Variants in ASCC3 observed in about 807,000 individuals in gnomAD.
ASCC3 encodes the protein ASC-1 complex subunit P200.
A neutral mutation model predicts 256.3 loss-of-function variants in ASCC3; 158 were observed. The observed-to-expected ratio is 0.62, with a 90% CI of 0.54 to 0.70. ASCC3 has a LOEUF of 0.70. ASCC3 is among the 30% of genes least tolerant of loss of function. ASCC3 has a pLI of 0.00. For synonymous variants in ASCC3, 948 were observed against 883.4 expected (o/e 1.07, Z -1.30); for missense variants, 2,259 against 2,626.0 (o/e 0.86, Z 3.05).
rs916466902 is a variant in ASCC3 at position 100,868,849 on chromosome 6, G to C, written c.-41-811C>G. 2.0e-5 allele frequency among the ~76,000 whole-genome samples: 3 copies of C among 152,322 alleles called. No homozygotes were observed. In the East Asian group the frequency reaches 5.8e-4, roughly 29 times the overall value. ...GGGGAAGAACATACCGGGAAAGAGA[G>C]AATTCAGATGGCCTGGTCTAATCTC... On this transcript the variant is annotated intron_variant, in intron 1 of 41. Transcript: ENST00000369162.
At chr6:100,782,623 G>A (rs1331957350) in intron 8 of ASCC3, among the ~76,000 whole-genome samples, 1 of 152,182 alleles carries the variant, frequency 6.6e-6, no homozygotes, top group South Asian at 2.1e-4. Flanking sequence ...CAAATTATTT[G>A]TAATACCAAA....
intron 36 of ASCC3, among the ~76,000 whole-genome samples, chr6:100,556,833 A>G (rs528681285): frequency 1.4e-5 from 2 of 146,534 alleles, no homozygotes; most frequent in South Asian, 4.2e-4. Flanking sequence ...AAGAGTGAAC[A>G]TTTTTTTTTA....
chr6:100,512,128 T>C (rs962233166), intron 40 of ASCC3, among the ~76,000 whole-genome samples: 1 of 152,188 alleles, frequency 6.6e-6, no homozygotes, highest in African/African-American at 2.4e-5. Context: ...TGTATGAACA[T>C]TGACAAAGCT....
Position 100,652,679 on chromosome 6 carries a change from A to G in ASCC3, c.2988+46T>C, listed in dbSNP as rs777087927. The G allele has an allele frequency of 9.0e-6, 14 of 1,559,428 alleles. No individual in the cohort carries two copies. In the Admixed American group the frequency reaches 1.3e-4, roughly 15 times the overall value. Reference sequence around the variant, plus strand: ...ATTAATAATATATTTTGAAGTCTAGAAAGTATTTGCATCTAAAATCAAACA... The same window carrying G: ...ATTAATAATATATTTTGAAGTCTAGGAAGTATTTGCATCTAAAATCAAACA... On this transcript the variant is annotated intron_variant, in intron 18 of 41. Transcript: ENST00000369162.
intron 8 of ASCC3, among the ~76,000 whole-genome samples, chr6:100,784,247 G>C (rs936158849): frequency 6.6e-6 from 1 of 151,942 alleles, no homozygotes; most frequent in South Asian, 2.1e-4. Context: ...AATAGAATAA[G>C]ATACAATTTT....
chr6:100,700,404 G>A (rs960459755), intron 13 of ASCC3, among the ~76,000 whole-genome samples: 4 of 152,220 alleles, frequency 2.6e-5, no homozygotes, highest in Admixed American at 6.5e-5. Flanking sequence ...GGTCCTCATC[G>A]AGAACCTTTG....
At chr6:100,596,292 A>G (rs2114785074) in intron 34 of ASCC3, among the ~76,000 whole-genome samples, 1 of 152,264 alleles carries the variant, frequency 6.6e-6, no homozygotes, top group South Asian at 2.1e-4. Context: ...TTTGTAAGTA[A>G]TGATATTTTG....
chr6:100,858,424 A>G (rs1057132957), intron 3 of ASCC3: 3 of 335,868 alleles, frequency 8.9e-6, no homozygotes, highest in Non-Finnish European at 1.3e-5. Flanking sequence ...CTAACTTTGT[A>G]GCATTAAGTA....
chr6:100,820,162 T>A (rs867266983), intron 4 of ASCC3, among the ~76,000 whole-genome samples: 1 of 152,146 alleles, frequency 6.6e-6, no homozygotes, highest in East Asian at 1.9e-4. Context: ...AAAAATCAGA[T>A]GGAATAGCAG....
Position 100,589,628 on chromosome 6 carries a change from A to C in ASCC3, c.5550+6T>G. Reference sequence around the variant, plus strand: ...AGAGAAGATATGAAATATATGAAAAACTCACACTTAGAATTGAAAGCAGTT... The same window carrying C: ...AGAGAAGATATGAAATATATGAAAACCTCACACTTAGAATTGAAAGCAGTT... On this transcript the variant is annotated splice_donor_region_variant and intron_variant, in intron 36 of 41. Transcript: ENST00000369162. 6.2e-7 allele frequency: 1 copy of C among 1,613,166 alleles called. No individual in the cohort carries two copies. Among genetic ancestry groups the C allele is most frequent in the African/African-American group, 1.3e-5 (1 of 74,994 alleles).
intron 16 of ASCC3, among the ~76,000 whole-genome samples, chr6:100,660,431 T>G (rs1776136723): frequency 6.6e-6 from 1 of 151,666 alleles, no homozygotes. Flanking sequence ...TTAGACACTG[T>G]TAACCCAACA....
intron 4 of ASCC3, among the ~76,000 whole-genome samples, chr6:100,836,170 A>G (rs914938919): frequency 2.0e-5 from 3 of 152,074 alleles, no homozygotes; most frequent in Non-Finnish European, 4.4e-5. Context: ...TTTCCTATAC[A>G]TAAGATTGGA....
At position 100,589,623 on chromosome 6, in the gene ASCC3, GAAA is replaced by G. The variant is rs1165327523; in HGVS notation, c.5550+8_5550+10del. 6.2e-7 allele frequency: 1 copy of G among 1,612,962 alleles called. No individual in the cohort carries two copies. Among genetic ancestry groups the G allele is most frequent in the South Asian group, 1.1e-5 (1 of 91,020 alleles). On this transcript the variant is annotated splice_region_variant and intron_variant, in intron 36 of 41. Coordinates refer to ENST00000369162, the MANE Select transcript of ASCC3 (RefSeq NM_006828.4). ...TTAAAAGAGAAGATATGAAATATATGAAAAACTCACACTTAGAATTGAAAGCAG... is the reference window on the plus strand; with the variant it reads ...TTAAAAGAGAAGATATGAAATATATGAACTCACACTTAGAATTGAAAGCAG...
At chr6:100,677,147 A>G (rs1242593202) in intron 14 of ASCC3, among the ~76,000 whole-genome samples, 2 of 152,170 alleles carry the variant, frequency 1.3e-5, no homozygotes, top group Non-Finnish European at 2.9e-5. Context: ...AGGCACTTCA[A>G]GAAATATGAA....
intron 29 of ASCC3, 128 bp from the exon 30 acceptor site, chr6:100,625,462 T>G: frequency 9.2e-7 from 1 of 1,082,374 alleles, no homozygotes; most frequent in South Asian, 1.3e-5. Context: ...GTGGCATTAT[T>G]GCAGGTACTA....
At chr6:100,798,991 TAAAACAA>T (rs1260777550) in intron 7 of ASCC3, among the ~76,000 whole-genome samples, 153 bp from the exon 8 acceptor site, 1 of 103,594 alleles carries the variant, frequency 9.7e-6, no homozygotes, top group East Asian at 4.2e-4. Context: ...CAAACTTAAA[TAAAACAA>T]AAACAAATGC....
intron 5 of ASCC3, 107 bp from the exon 6 acceptor site, chr6:100,800,611 A>G: frequency 2.4e-6 from 2 of 825,306 alleles, no homozygotes; most frequent in Non-Finnish European, 3.8e-6. Flanking sequence ...TGCTCTTACA[A>G]TTCATTTTTT....
At chr6:100,877,649 C>T (rs1278437967) in intron 1 of ASCC3, among the ~76,000 whole-genome samples, 1 of 152,096 alleles carries the variant, frequency 6.6e-6, no homozygotes, top group African/African-American at 2.4e-5. Context: ...AGTCTAGGCA[C>T]ATTTAACTTT....
rs533144741 is a variant in ASCC3 at position 100,581,582 on chromosome 6, G to C, written c.5550+8052C>G. Among the ~76,000 whole-genome samples, 704 of 150,908 alleles carry C rather than the reference G, an allele frequency of 4.7e-3. 7 individuals are homozygous for C. Among genetic ancestry groups the C allele is most frequent in the African/African-American group, 0.016 (667 of 41,410 alleles). On this transcript the variant is annotated intron_variant, in intron 36 of 41. Coordinates refer to ENST00000369162, the MANE Select transcript of ASCC3 (RefSeq NM_006828.4). ...TCTTTTGCTGTGCAGAAGCTCTTTA[G>C]TTTAATTAGATCCCATTTGTCAATT...
Sources: gnomAD v4.1 joint callset for allele counts (sites outside exome capture counted in the v4.1 genomes callset) on GRCh38, gnomAD v4.1.1 for gene constraint, MANE v1.5 for transcripts, NCBI Gene and HGNC (gene_info 2026-07-23, HGNC 2026-07-21) for gene names.